TNNT2: variants seen among roughly 807,000 people sequenced by gnomAD.
The protein encoded by TNNT2 is troponin T2, cardiac type.
Under a neutral mutation model 62.4 loss-of-function variants are expected in TNNT2, and 34 were observed. The ratio of observed to expected loss-of-function variants is 0.54; its 90% CI spans 0.41 to 0.72. The LOEUF is 0.72. Ranked by LOEUF, TNNT2 falls within the 30% of genes least tolerant of loss-of-function variation. The probability of loss-of-function intolerance (pLI) is 0.00; values close to 1 mark genes in which losing one functional copy is unlikely to be tolerated. For missense variants in TNNT2, 275 were observed against 381.9 expected (o/e 0.72, Z 2.33); for synonymous variants, 123 against 127.2 (o/e 0.97, Z 0.22).
intron 16 of TNNT2, 26 bp from the exon 17 acceptor site, chr1:201,359,281 C>CA (rs762662596): frequency 1.2e-6 from 2 of 1,607,944 alleles, no homozygotes; most frequent in Admixed American, 3.4e-5. Flanking sequence ...GACGCAGTGA[C>CA]ATGGAGACAC....
chr1:201,367,782 T>C lies in TNNT2; in HGVS notation c.188A>G (p.Lys63Arg). Residue 63 changes from lysine (K) to arginine (R), a missense_variant, in exon 7 of 17, where the codon AAG becomes AGG. Transcript: ENST00000656932. Reference sequence around the variant, plus strand: ...CCTGATATCCTTACCTTCAGCCTCCTTTGCTTCCTCTTCTTCTTCATCTTC... The same window carrying C: ...CCTGATATCCTTACCTTCAGCCTCCCTTGCTTCCTCTTCTTCTTCATCTTC... ...AEEDEEEEEAKEAEDGPMEES... is the reference protein window; with the variant it reads ...AEEDEEEEEAREAEDGPMEES... 6.2e-7 allele frequency: 1 copy of C among 1,614,170 alleles called. No individual in the cohort carries two copies.
At chr1:201,363,760 TG>T (rs764594537) in intron 11 of TNNT2, 17 of 368,232 alleles carry the variant, frequency 4.6e-5, no homozygotes, top group Non-Finnish European at 6.6e-5. Flanking sequence ...GGATGAGGGC[TG>T]GAGAGTCTTA....
chr1:201,369,308 C>T (rs927404678), intron 5 of TNNT2: 6 of 472,378 alleles, frequency 1.3e-5, no homozygotes, highest in Admixed American at 9.4e-5. Flanking sequence ...ATCAGCAGGG[C>T]GCATCTGAAG....
intron 15 of TNNT2, chr1:201,360,589 G>A (rs1371354698): frequency 6.4e-6 from 1 of 155,122 alleles, no homozygotes; most frequent in African/African-American, 2.4e-5. Context: ...AGCCACTGCA[G>A]CCTGAGCCTG....
At chr1:201,376,344 C>T (rs1350152300) in intron 1 of TNNT2, among the ~76,000 whole-genome samples, 1 of 152,156 alleles carries the variant, frequency 6.6e-6, no homozygotes, top group African/African-American at 2.4e-5. Flanking sequence ...CTTCAGTTAA[C>T]CAACTACAAA....
At chr1:201,373,086 C>T (rs528010349) in intron 2 of TNNT2, 128 bp downstream of exon 2, 17 of 924,746 alleles carry the variant, frequency 1.8e-5, no homozygotes, top group African/African-American at 6.5e-5. Context: ...TATCTCTCCT[C>T]GGGGTGCCCA....
rs994959200 is a variant in TNNT2 at position 201,367,864 on chromosome 1, C to T, written c.164-58G>A. On this transcript the variant is annotated intron_variant, in intron 6 of 16. Transcript: ENST00000656932. ...TTGTTCTGAGCTCAAGTCCCCCCCT[C>T]CGCCACCAGCAAGAGCCTTCCCCAC... is the stretch of plus-strand genomic sequence containing the variant. 4 of 1,598,002 alleles carry T rather than the reference C, an allele frequency of 2.5e-6. No homozygotes were observed. In the African/African-American group the frequency reaches 5.4e-5, roughly 21 times the overall value.
chr1:201,365,397 A>G, intron 9 of TNNT2, 90 bp from the exon 10 acceptor site: 1 of 1,305,208 alleles, frequency 7.7e-7, no homozygotes, highest in Non-Finnish European at 1.1e-6. Flanking sequence ...ACGCAGTGCA[A>G]AAGACCTCTG....
rs572473512 is a variant in TNNT2, at chr1:201,362,527, C to G, written c.601-133G>C. 5.7e-6 allele frequency: 7 copies of G among 1,221,484 alleles called. No homozygotes were observed. In the East Asian group the frequency reaches 1.7e-4, roughly 30 times the overall value. 75.7% of individuals were successfully genotyped at this position (1,221,484 alleles called of 1,614,324 possible). On this transcript the variant is annotated intron_variant, in intron 12 of 16. Transcript: ENST00000656932. ...AGATTCAGATACTCGCTGTAGTCAG[C>G]CGGGTTTACTAGGACGTGGGTCTGA... is the stretch of plus-strand genomic sequence containing the variant.
chr1:201,370,038 C>T (rs1175717368), intron 4 of TNNT2, among the ~76,000 whole-genome samples, 193 bp from the exon 5 acceptor site: 1 of 152,058 alleles, frequency 6.6e-6, no homozygotes, highest in Admixed American at 6.5e-5. Flanking sequence ...TTCCCTGAGC[C>T]TCAGGTGCCT....
intron 11 of TNNT2, chr1:201,363,888 C>A (rs1221231037): frequency 4.5e-6 from 1 of 224,168 alleles, no homozygotes; most frequent in Non-Finnish European, 8.0e-6. Context: ...TCTTTTTTTT[C>A]CTTTTTTTTT....
chr1:201,361,114 T>C (rs1452573398), intron 15 of TNNT2, 165 bp downstream of exon 15: 5 of 762,298 alleles, frequency 6.6e-6, no homozygotes, highest in Non-Finnish European at 1.2e-5. Context: ...GCGGTGGACA[T>C]GGAACACTGC....
chr1:201,363,619 A>C, intron 11 of TNNT2: 4 of 556,126 alleles, frequency 7.2e-6, no homozygotes, highest in South Asian at 2.0e-5. Context: ...TGATTCCCAA[A>C]TGTGAGGTCT....
chr1:201,364,743 G>A (rs915647852), intron 10 of TNNT2, among the ~76,000 whole-genome samples: 1 of 152,244 alleles, frequency 6.6e-6, no homozygotes, highest in African/African-American at 2.4e-5. Context: ...CAGCATGTCT[G>A]TGGGAAGGCA....
In TNNT2 at chr1:201,363,380, C is replaced by G; in HGVS notation, c.516G>C (p.Glu172Asp). 6.2e-7 allele frequency: 1 copy of G among 1,614,196 alleles called. No homozygotes were observed. Among genetic ancestry groups the G allele is most frequent in the Non-Finnish European group, 8.5e-7 (1 of 1,180,038 alleles). ...CATCCTCAGCCTTCCTCCTGTTCTCCTCCTCCTCTCGTCGAGCCCTCTCTT... is the reference window on the plus strand; with the variant it reads ...CATCCTCAGCCTTCCTCCTGTTCTCGTCCTCCTCTCGTCGAGCCCTCTCTT... ...LAEERARREE[E>D]ENRRKAEDEA... Residue 172 changes from glutamate (E) to aspartate (D), a missense_variant, in exon 12 of 17, where the codon GAG becomes GAC. Glu to Asp is a conservative substitution (Grantham distance 45, BLOSUM62 2). Transcript: ENST00000656932.
At chr1:201,368,138 C>T in intron 6 of TNNT2, 24 bp downstream of exon 6, 1 of 1,613,954 alleles carries the variant, frequency 6.2e-7, no homozygotes, top group African/African-American at 1.3e-5. Context: ...CCTGAGGCCC[C>T]TGCACCCTCA....
intron 5 of TNNT2, chr1:201,369,474 C>T (rs552425804): frequency 1.0e-4 from 49 of 491,638 alleles, no homozygotes; most frequent in Non-Finnish European, 1.7e-4. Context: ...GGGGTGTGCG[C>T]GGGGGCAGGG....
chr1:201,366,171 T>A (rs1659617352), intron 8 of TNNT2: 3 of 1,049,500 alleles, frequency 2.9e-6, no homozygotes, highest in African/African-American at 3.3e-5. Context: ...GGAGCTGAAA[T>A]GAGATACCGC....
At position 201,359,176 on chromosome 1, in the gene TNNT2, C is replaced by T. The variant is rs757948388; in HGVS notation, c.*34G>A. 49 of 1,599,992 alleles carry T rather than the reference C, an allele frequency of 3.1e-5. 3 individuals carry two copies. In the South Asian group the frequency reaches 4.0e-4, roughly 13 times the overall value. On this transcript the variant is annotated 3_prime_UTR_variant, in exon 17 of 17. Coordinates refer to ENST00000656932, the MANE Select transcript of TNNT2 (RefSeq NM_001276345.2). ...AGTGCAGGCCGGAGGCAGGTGCGAG[C>T]GAGGAGCAGATCTTTGGTGAAGGAG...
Sources: allele counts gnomAD v4.1 joint callset (sites outside exome capture counted in the v4.1 genomes callset), GRCh38; gene constraint gnomAD v4.1.1; transcripts MANE v1.5; gene names NCBI Gene and HGNC (gene_info 2026-07-23, HGNC 2026-07-21).